Variants in TRIM61 observed in about 807,000 individuals in gnomAD.
TRIM61 encodes the protein putative tripartite motif-containing protein 61.
Under a neutral mutation model 14.2 loss-of-function variants are expected in TRIM61, and 1 was observed. The observed-to-expected ratio is 0.07, with a 90% CI of 0.03 to 0.33. The LOEUF is 0.33. TRIM61 is among the 10% of genes least tolerant of loss of function. The pLI is 0.99. For missense variants in TRIM61, 19 were observed against 202.2 expected (o/e 0.09, Z 5.49); for synonymous variants, 8 against 71.6 (o/e 0.11, Z 4.49).
rs991737995 is a variant in TRIM61, at chr4:164,954,615, C to G, written c.*170G>C. The G allele has an allele frequency of 1.3e-5, 2 of 151,918 alleles. No individual in the cohort carries two copies. Among genetic ancestry groups the G allele is most frequent in the African/African-American group, 4.8e-5 (2 of 41,360 alleles). 9.4% of individuals were successfully genotyped at this position (151,918 alleles called of 1,614,324 possible). On this transcript the variant is annotated 3_prime_UTR_variant, in exon 5 of 5. Transcript: ENST00000329314. ...ATACAGAAATACATATAATTACATACCTTACAAATGTAATTAAAATTTTAT... is the reference window on the plus strand; with the variant it reads ...ATACAGAAATACATATAATTACATAGCTTACAAATGTAATTAAAATTTTAT...
intron 3 of TRIM61, among the ~76,000 whole-genome samples, chr4:164,963,388 A>G (rs990763887): frequency 3.9e-5 from 6 of 152,236 alleles, no homozygotes; most frequent in African/African-American, 1.2e-4. Flanking sequence ...TCAAGCTCCT[A>G]TGGGACACTC....
intron 2 of TRIM61, among the ~76,000 whole-genome samples, chr4:164,973,737 T>C (rs1451672196): frequency 6.6e-5 from 10 of 152,260 alleles, no homozygotes; most frequent in Admixed American, 5.9e-4. Context: ...ATAAAAAATA[T>C]TGTAGGACTA....
chr4:164,958,084 A>T (rs930324712), intron 3 of TRIM61: 2 of 167,138 alleles, frequency 1.2e-5, no homozygotes, highest in Non-Finnish European at 2.9e-5. Flanking sequence ...GATCCAAAAA[A>T]GATTAAGGCT....
At chr4:164,965,764 A>G (rs946993576) in intron 3 of TRIM61, among the ~76,000 whole-genome samples, 2 of 148,552 alleles carry the variant, frequency 1.3e-5, no homozygotes, top group Non-Finnish European at 3.1e-5. Context: ...TGTAAATATC[A>G]TAACAATGTA....
Position 164,972,649 on chromosome 4 carries a change from C to T in TRIM61, c.-337-2310G>A, listed in dbSNP as rs536173534. On this transcript the variant is annotated intron_variant, in intron 2 of 4. Transcript: ENST00000329314. ...GCCTACAGGCGTGCGCCACCACACC[C>T]GGCTAAGGTTTGTAACTTTAGTGGA... Among the ~76,000 whole-genome samples, 27 of 152,246 alleles carry T rather than the reference C, an allele frequency of 1.8e-4. No homozygotes were observed. In the South Asian group the frequency reaches 4.8e-3, roughly 27 times the overall value.
At chr4:164,961,692 C>A (rs544074108) in intron 3 of TRIM61, among the ~76,000 whole-genome samples, 10 of 151,474 alleles carry the variant, frequency 6.6e-5, no homozygotes, top group Non-Finnish European at 8.9e-5. Flanking sequence ...ACCAAAAAAA[C>A]CCCAAAACAA....
At chr4:164,973,694 C>T (rs983738035) in intron 2 of TRIM61, among the ~76,000 whole-genome samples, 10 of 152,144 alleles carry the variant, frequency 6.6e-5, no homozygotes, top group Admixed American at 3.9e-4. Context: ...TCTAAGACAC[C>T]TGTCACAGTC....
intron 3 of TRIM61, among the ~76,000 whole-genome samples, chr4:164,959,620 C>T (rs1732090842): frequency 4.6e-5 from 7 of 152,150 alleles, no homozygotes. Context: ...CATGCTCAAT[C>T]AGAACATCAG....
chr4:164,968,219 G>C (rs10004751), intron 3 of TRIM61, 62 bp downstream of exon 3: 101,819 of 981,622 alleles, frequency 0.1, 5,737 homozygotes, highest in Middle Eastern at 0.14. Flanking sequence ...AGTAGTCCAA[G>C]AGTAATGATG....
At chr4:164,965,104 A>T (rs1732207989) in intron 3 of TRIM61, among the ~76,000 whole-genome samples, 1 of 152,128 alleles carries the variant, frequency 6.6e-6, no homozygotes, top group Non-Finnish European at 1.5e-5. Context: ...CCTGGCCAAC[A>T]TGGTGAAACC....
chr4:164,965,145 G>A (rs1358012709), intron 3 of TRIM61, among the ~76,000 whole-genome samples: 3 of 151,984 alleles, frequency 2.0e-5, no homozygotes, highest in Non-Finnish European at 2.9e-5. Context: ...AAAATTGACC[G>A]GGCACGGTGA....
intron 3 of TRIM61, among the ~76,000 whole-genome samples, chr4:164,967,710 G>C (rs1338623948): frequency 6.6e-6 from 1 of 152,076 alleles, no homozygotes; most frequent in African/African-American, 2.4e-5. Context: ...GAGGAAAGGT[G>C]AAAGTGGCAC....
At chr4:164,957,619 T>G in intron 3 of TRIM61, 1 of 1,069,856 alleles carries the variant, frequency 9.3e-7, no homozygotes, top group Non-Finnish European at 1.3e-6. Context: ...ACATGAATGC[T>G]ACCGAAGATA....
At chr4:164,968,528 A>C (rs1732290469) in intron 3 of TRIM61, 2 of 985,788 alleles carry the variant, frequency 2.0e-6, no homozygotes, top group Non-Finnish European at 2.4e-6. Flanking sequence ...AATAGCCAAA[A>C]CTAGATTCAC....
chr4:164,972,732 G>A (rs1200274415), intron 2 of TRIM61, among the ~76,000 whole-genome samples: 1 of 152,138 alleles, frequency 6.6e-6, no homozygotes, highest in African/African-American at 2.4e-5. Context: ...CAAGTGATCG[G>A]CCCACCTTGG....
rs552146236 is a variant in TRIM61 at position 164,975,104 on chromosome 4, G to A, written c.-338+1584C>T. 5.1e-4 allele frequency among the ~76,000 whole-genome samples: 78 copies of A among 152,062 alleles called. 2 individuals carry two copies. The highest frequency in any genetic ancestry group is 2.1e-4 in the South Asian group (1 of 4,804). ...AAAAATTAGCCGGGCATGGTGGCGCGCCTGTAGTCCCAGCTACTTGGGAAG... is the reference window on the plus strand; with the variant it reads ...AAAAATTAGCCGGGCATGGTGGCGCACCTGTAGTCCCAGCTACTTGGGAAG... On this transcript the variant is annotated intron_variant, in intron 2 of 4. Coordinates refer to ENST00000329314, the MANE Select transcript of TRIM61 (RefSeq NM_001012414.3).
intron 3 of TRIM61, 71 bp downstream of exon 3, chr4:164,968,210 G>A: frequency 1.0e-6 from 1 of 984,636 alleles, no homozygotes; most frequent in Non-Finnish European, 1.2e-6. Context: ...TTACATAGCA[G>A]TAGTCCAAGA....
At chr4:164,960,158 A>G (rs1454862643) in intron 3 of TRIM61, among the ~76,000 whole-genome samples, 2 of 152,200 alleles carry the variant, frequency 1.3e-5, no homozygotes, top group East Asian at 3.8e-4. Context: ...ACCTGGAGGC[A>G]TGGAAGAAAT....
intron 3 of TRIM61, chr4:164,956,849 C>T (rs1013997907): frequency 4.1e-5 from 27 of 654,444 alleles, no homozygotes; most frequent in African/African-American, 3.6e-4. Context: ...GGCTTCAGCA[C>T]CCCAAGCACT....
Sources: allele counts gnomAD v4.1 joint callset (sites outside exome capture counted in the v4.1 genomes callset), GRCh38; gene constraint gnomAD v4.1.1; transcripts MANE v1.5; gene names NCBI Gene and HGNC (gene_info 2026-07-23, HGNC 2026-07-21).